The following IMMT variants were observed in gnomAD, a reference collection of about 807,000 sequenced individuals.
IMMT encodes MICOS complex subunit MIC60.
A neutral mutation model predicts 92.7 loss-of-function variants in IMMT; 40 were observed. The ratio of observed to expected loss-of-function variants is 0.43; its 90% CI spans 0.34 to 0.56. IMMT has a LOEUF of 0.56. Ranked by LOEUF, IMMT falls within the 20% of genes least tolerant of loss-of-function variation. The probability of loss-of-function intolerance (pLI) is 0.03; values close to 1 mark genes in which losing one functional copy is unlikely to be tolerated. For missense variants in IMMT, 831 were observed against 912.1 expected (o/e 0.91, Z 1.14); for synonymous variants, 322 against 336.1 (o/e 0.96, Z 0.46).
chr2:86,166,479 G>A (rs2105088018), intron 7 of IMMT, 29 bp downstream of exon 7: 1 of 1,581,424 alleles, frequency 6.3e-7, no homozygotes, highest in Non-Finnish European at 8.6e-7. Flanking sequence ...ATGACAGCCA[G>A]AACACTTCTA....
intron 1 of IMMT, among the ~76,000 whole-genome samples, chr2:86,192,739 G>A (rs1202111509): frequency 6.6e-6 from 1 of 152,110 alleles, no homozygotes; most frequent in Non-Finnish European, 1.5e-5. Context: ...TTCTATTTTG[G>A]ATCAGGATGC....
chr2:86,178,651 A>G lies in IMMT; in HGVS notation c.309+782T>C, dbSNP rs968945216. Among the ~76,000 whole-genome samples the G allele has an allele frequency of 2.0e-5, 3 of 152,090 alleles. No individual in the cohort carries two copies. In the East Asian group the frequency reaches 5.8e-4, roughly 29 times the overall value. ...GGAAAAAAAAAAAGAAAACTAACAT[A>G]CATACATCTGGCAAGTTGCACTGCA... On this transcript the variant is annotated intron_variant, in intron 3 of 14. Transcript: ENST00000410111.
chr2:86,153,473 G>T, intron 11 of IMMT, 87 bp downstream of exon 11: 2 of 672,950 alleles, frequency 3.0e-6, no homozygotes, highest in Non-Finnish European at 4.8e-6. Flanking sequence ...ATGGCTTTGT[G>T]TAAGAATCAT....
At chr2:86,171,391 C>T in intron 4 of IMMT, 46 bp from the exon 5 acceptor site, 1 of 1,562,224 alleles carries the variant, frequency 6.4e-7, no homozygotes, top group Non-Finnish European at 8.7e-7. Context: ...CCTGGGTTAA[C>T]AGAGAAACAC....
intron 6 of IMMT, among the ~76,000 whole-genome samples, chr2:86,169,105 G>A (rs996504124): frequency 1.3e-5 from 2 of 152,206 alleles, no homozygotes; most frequent in South Asian, 2.1e-4. Flanking sequence ...GGGGAATTAA[G>A]AGGTGACAGA....
chr2:86,166,443 C>T (rs1676682528), intron 7 of IMMT, 65 bp downstream of exon 7: 3 of 1,492,630 alleles, frequency 2.0e-6, no homozygotes, highest in East Asian at 4.6e-5. Flanking sequence ...TCTCCACCCT[C>T]GATTTTTCTT....
intron 4 of IMMT, among the ~76,000 whole-genome samples, chr2:86,173,328 C>T (rs544576652): frequency 1.7e-4 from 26 of 152,212 alleles, no homozygotes; most frequent in Non-Finnish European, 3.2e-4. Flanking sequence ...CGCCTGTAAT[C>T]CCAGCACTTT....
intron 3 of IMMT, among the ~76,000 whole-genome samples, chr2:86,176,216 A>AC (rs1677416933): frequency 6.6e-6 from 1 of 152,224 alleles, no homozygotes; most frequent in African/African-American, 2.4e-5. Context: ...ACTTATTCAG[A>AC]AGGTAAGAAA....
intron 2 of IMMT, 100 bp from the exon 3 acceptor site, chr2:86,179,722 T>C (rs1331298527): frequency 5.9e-6 from 5 of 846,726 alleles, no homozygotes; most frequent in Admixed American, 6.9e-5. Context: ...AGCCTCTACT[T>C]ATCTACCACT....
At chr2:86,174,799 T>A (rs1377326947) in intron 3 of IMMT, among the ~76,000 whole-genome samples, 1 of 152,252 alleles carries the variant, frequency 6.6e-6, no homozygotes, top group Non-Finnish European at 1.5e-5. Context: ...TCTGTTTAGT[T>A]GCATAATATC....
intron 1 of IMMT, 22 bp downstream of exon 1, chr2:86,195,316 C>T: frequency 2.0e-6 from 3 of 1,534,022 alleles, no homozygotes; most frequent in Non-Finnish European, 2.6e-6. Flanking sequence ...CCTCACGCGC[C>T]TCCGGGAGCC....
At chr2:86,145,030 T>A (rs1244283880) in intron 14 of IMMT, 149 bp from the exon 15 acceptor site, 5 of 920,202 alleles carry the variant, frequency 5.4e-6, no homozygotes, top group Non-Finnish European at 7.9e-6. Context: ...CCACCACTTA[T>A]TTCTGGTGTA....
chr2:86,173,775 A>G lies in IMMT; in HGVS notation c.310-14T>C. 7.4e-7 allele frequency: 1 copy of G among 1,360,054 alleles called. No homozygotes were observed. The highest frequency in any genetic ancestry group is 1.9e-5 in the Admixed American group (1 of 53,802). The allele number at this position is 1,360,054 out of a possible 1,614,324, so 84.2% of individuals were successfully genotyped here. ...ACCCGACTGAATCTTGGAAATAAAAAACATTTAACATTTCAGATATACTAC... is the reference window on the plus strand; with the variant it reads ...ACCCGACTGAATCTTGGAAATAAAAGACATTTAACATTTCAGATATACTAC... On this transcript the variant is annotated splice_polypyrimidine_tract_variant and intron_variant, in intron 3 of 14. Transcript: ENST00000410111.
intron 1 of IMMT, 139 bp downstream of exon 1, chr2:86,195,199 C>G: frequency 1.1e-6 from 1 of 911,892 alleles, no homozygotes; most frequent in South Asian, 2.1e-5. Context: ...CCTAGCTGCC[C>G]GCCCGGGCCT....
chr2:86,154,616 A>G (rs1195709709), intron 10 of IMMT, among the ~76,000 whole-genome samples: 1 of 152,238 alleles, frequency 6.6e-6, no homozygotes, highest in Non-Finnish European at 1.5e-5. Context: ...TAATACATTC[A>G]GTTCTTCTTT....
At chr2:86,146,665 T>C (rs1675040686) in intron 13 of IMMT, among the ~76,000 whole-genome samples, 2 of 151,672 alleles carry the variant, frequency 1.3e-5, no homozygotes, top group African/African-American at 2.4e-5. Context: ...GCCCGGCCGA[T>C]GTATATAATT....
chr2:86,168,346 G>A lies in IMMT; in HGVS notation c.656-1702C>T, dbSNP rs557908918. On this transcript the variant is annotated intron_variant, in intron 6 of 14. Transcript: ENST00000410111. The stretch of plus-strand genomic sequence containing the variant: ...ATACTAATTTAATAATAAATGGGCC[G>A]GCGCAGTGGCTCACGCCTGTAATCC... Among the ~76,000 whole-genome samples, 5 of 152,304 alleles carry A rather than the reference G, an allele frequency of 3.3e-5. No homozygotes were observed. In the East Asian group the frequency reaches 7.7e-4, roughly 23 times the overall value.
chr2:86,159,524 T>C lies in IMMT; in HGVS notation c.1032+12A>G. On this transcript the variant is annotated intron_variant, in intron 9 of 14. Transcript: ENST00000410111. ...TTAAAATATAAAATACTATAAGACT[T>C]AGGAAACATACCTTTTTGACCACAT... The C allele has an allele frequency of 1.3e-6, 2 of 1,554,492 alleles. No individual in the cohort carries two copies. Among genetic ancestry groups the C allele is most frequent in the Non-Finnish European group, 1.8e-6 (2 of 1,138,716 alleles).
Position 86,144,232 on chromosome 2 carries a change from A to G in IMMT, c.*36T>C. ...CATCTATCACTGCTGATTTCCTTTG[A>G]CATGAAATATGACTTTATGAAAATC... is the stretch of plus-strand genomic sequence containing the variant. On this transcript the variant is annotated 3_prime_UTR_variant, in exon 15 of 15. Coordinates refer to ENST00000410111, the MANE Select transcript of IMMT (RefSeq NM_006839.3). 1 of 1,606,730 alleles carries G rather than the reference A, an allele frequency of 6.2e-7. No individual in the cohort carries two copies. Among genetic ancestry groups the G allele is most frequent in the Admixed American group, 1.7e-5 (1 of 59,610 alleles).
Sources: gnomAD v4.1 joint callset for allele counts (sites outside exome capture counted in the v4.1 genomes callset) on GRCh38, gnomAD v4.1.1 for gene constraint, MANE v1.5 for transcripts, NCBI Gene and HGNC (gene_info 2026-07-23, HGNC 2026-07-21) for gene names.